The following PHACTR4 variants were observed in gnomAD, a reference collection of about 807,000 sequenced individuals.
PHACTR4 encodes protein phosphatase 1, regulatory subunit 124.
In PHACTR4, 51 loss-of-function variants were observed where a neutral mutation model predicts 72.7. The observed-to-expected ratio is 0.70, with a 90% CI of 0.56 to 0.89. The LOEUF is 0.89. Ranked by LOEUF, PHACTR4 falls within the 40% of genes least tolerant of loss-of-function variation. PHACTR4 has a pLI of 0.00. For synonymous variants in PHACTR4, 255 were observed against 302.5 expected (o/e 0.84, Z 1.63); for missense variants, 731 against 861.8 (o/e 0.85, Z 1.90).
chr1:28,392,268 A>G, intron 1 of PHACTR4, among the ~76,000 whole-genome samples: 1 of 152,126 alleles, frequency 6.6e-6, no homozygotes, highest in East Asian at 1.9e-4. Context: ...GCCCTTTAGT[A>G]GCAGACTTGG....
chr1:28,435,711 A>G (rs1347075196), intron 2 of PHACTR4, among the ~76,000 whole-genome samples: 3 of 152,360 alleles, frequency 2.0e-5, no homozygotes, highest in African/African-American at 7.2e-5. Context: ...CTCTTAAGCA[A>G]TATACTGTGT....
chr1:28,449,769 T>C (rs1274611131), intron 2 of PHACTR4, among the ~76,000 whole-genome samples: 1 of 151,828 alleles, frequency 6.6e-6, no homozygotes, highest in Non-Finnish European at 1.5e-5. Context: ...GGAGAATCCC[T>C]TGAACCCAGG....
chr1:28,414,369 T>C lies in PHACTR4; in HGVS notation c.16+6906T>C, dbSNP rs1215105694. ...GCATGAGCCTCTGCAGCTGGCCTTA[T>C]TTTCTTTTTCATTTTATTTTTTTAT... is the stretch of plus-strand genomic sequence containing the variant. On this transcript the variant is annotated intron_variant, in intron 2 of 13. Coordinates refer to ENST00000373839, the MANE Select transcript of PHACTR4 (RefSeq NM_001048183.3). 3.3e-5 allele frequency among the ~76,000 whole-genome samples: 5 copies of C among 151,518 alleles called. No individual in the cohort carries two copies. The South Asian group carries it at 8.3e-4, about 25-fold the overall frequency.
chr1:28,474,196 A>G (rs757246363), intron 7 of PHACTR4, 45 bp downstream of exon 7: 1 of 1,509,586 alleles, frequency 6.6e-7, no homozygotes. Context: ...TTTACTCTAG[A>G]TAGCCCTGCT....
chr1:28,398,616 C>G (rs760683678), intron 1 of PHACTR4, among the ~76,000 whole-genome samples: 1 of 151,296 alleles, frequency 6.6e-6, no homozygotes, highest in Non-Finnish European at 1.5e-5. Context: ...GTCAAGAGTT[C>G]GAGACCAGCC....
chr1:28,410,842 G>A (rs1260701436), intron 2 of PHACTR4, among the ~76,000 whole-genome samples: 1 of 151,932 alleles, frequency 6.6e-6, no homozygotes, highest in African/African-American at 2.4e-5. Context: ...GAGTAGCTGG[G>A]ATTACCAGCA....
intron 1 of PHACTR4, among the ~76,000 whole-genome samples, chr1:28,394,021 T>A (rs1653273879): frequency 6.6e-6 from 1 of 151,950 alleles, no homozygotes. Flanking sequence ...CCTTATTTTT[T>A]AAAAAAGTTA....
chr1:28,459,013 G>A, intron 2 of PHACTR4, 72 bp from the exon 3 acceptor site: 2 of 1,381,734 alleles, frequency 1.4e-6, no homozygotes, highest in East Asian at 4.8e-5. Flanking sequence ...GGAAGAGAGG[G>A]GAAGGGACAT....
chr1:28,447,359 A>T (rs1416077058), intron 2 of PHACTR4, among the ~76,000 whole-genome samples: 1 of 151,148 alleles, frequency 6.6e-6, no homozygotes, highest in Non-Finnish European at 1.5e-5. Flanking sequence ...TAGACCTATT[A>T]TCACAACCTA....
chr1:28,455,788 A>G (rs192252701), intron 2 of PHACTR4, among the ~76,000 whole-genome samples: 1 of 152,142 alleles, frequency 6.6e-6, no homozygotes, highest in Non-Finnish European at 1.5e-5. Context: ...TAGGAAAAAG[A>G]GGGGAAGGAA....
intron 2 of PHACTR4, among the ~76,000 whole-genome samples, chr1:28,414,675 A>G (rs1278411997): frequency 6.6e-6 from 1 of 151,934 alleles, no homozygotes; most frequent in Non-Finnish European, 1.5e-5. Flanking sequence ...ATTGCACCCA[A>G]CCCCTTCCAT....
In PHACTR4 at chr1:28,446,569, G is replaced by A. The variant is rs543371377; in HGVS notation, c.17-12516G>A. On this transcript the variant is annotated intron_variant, in intron 2 of 13. Transcript: ENST00000373839. ...GCCGAGGCAGGTGGATCATGAGGTC[G>A]GGAGTTCAAGACCAGCCTGGCCAAC... 5.9e-5 allele frequency among the ~76,000 whole-genome samples: 9 copies of A among 152,134 alleles called. No individual in the cohort carries two copies. In the East Asian group the frequency reaches 1.4e-3, roughly 23 times the overall value.
chr1:28,405,865 TG>T (rs777365573), intron 1 of PHACTR4, among the ~76,000 whole-genome samples: 3 of 151,554 alleles, frequency 2.0e-5, no homozygotes, highest in Non-Finnish European at 2.9e-5. Flanking sequence ...CACTCCAGCC[TG>T]GACAACAGAG....
At chr1:28,385,589 C>T (rs1652499149) in intron 1 of PHACTR4, among the ~76,000 whole-genome samples, 2 of 148,180 alleles carry the variant, frequency 1.3e-5, no homozygotes, top group Admixed American at 6.7e-5. Flanking sequence ...ATTCAATTTC[C>T]ATGTAATTGT....
In PHACTR4 at chr1:28,460,750, C is replaced by T. The variant is rs574247290; in HGVS notation, c.271+458C>T. Among the ~76,000 whole-genome samples, 2 of 152,254 alleles carry T rather than the reference C, an allele frequency of 1.3e-5. 1 individual carries two copies. The highest frequency in any genetic ancestry group is 4.1e-4 in the South Asian group (2 of 4,828). ...TCTTGAACTTCTAACCTCAGGTGATCCGCCCGCCTTGGCCTCCCAAAGTTC... is the reference window on the plus strand; with the variant it reads ...TCTTGAACTTCTAACCTCAGGTGATTCGCCCGCCTTGGCCTCCCAAAGTTC... On this transcript the variant is annotated intron_variant, in intron 4 of 13. Transcript: ENST00000373839.
At chr1:28,458,690 A>G (rs1002792315) in intron 2 of PHACTR4, among the ~76,000 whole-genome samples, 1 of 152,194 alleles carries the variant, frequency 6.6e-6, no homozygotes, top group Non-Finnish European at 1.5e-5. Context: ...AAGGGCAGGG[A>G]AAGGGCAATG....
intron 9 of PHACTR4, among the ~76,000 whole-genome samples, chr1:28,482,362 A>G (rs1407721461): frequency 2.0e-5 from 3 of 152,162 alleles, no homozygotes; most frequent in Non-Finnish European, 4.4e-5. Context: ...TATTTGCATT[A>G]TATCTGTTTC....
chr1:28,490,923 A>C lies in PHACTR4; in HGVS notation c.1817-28A>C, dbSNP rs758700529. The C allele has an allele frequency of 1.9e-6, 3 of 1,601,608 alleles. No individual in the cohort carries two copies. The Admixed American group carries it at 5.0e-5, about 27-fold the overall frequency. On this transcript the variant is annotated intron_variant, in intron 10 of 13. Coordinates refer to ENST00000373839, the MANE Select transcript of PHACTR4 (RefSeq NM_001048183.3). The stretch of plus-strand genomic sequence containing the variant: ...ATGCAAATTGTCATTTGTGAGTAAT[A>C]TTCCTTCCTTCTGATTGTCAACTGT...
chr1:28,465,636 A>G (rs772188625), intron 4 of PHACTR4, 49 bp from the exon 5 acceptor site: 12 of 1,539,880 alleles, frequency 7.8e-6, no homozygotes, highest in South Asian at 6.0e-5. Context: ...TCTTCTTTCT[A>G]TCTGTTCATG....
Sources: gnomAD v4.1 joint callset for allele counts (sites outside exome capture counted in the v4.1 genomes callset) on GRCh38, gnomAD v4.1.1 for gene constraint, MANE v1.5 for transcripts, NCBI Gene and HGNC (gene_info 2026-07-23, HGNC 2026-07-21) for gene names.